FAM163A: variants seen among roughly 807,000 people sequenced by gnomAD.
The protein encoded by FAM163A is protein FAM163A.
Under a neutral mutation model 12.0 loss-of-function variants are expected in FAM163A, and 7 were observed. The observed-to-expected ratio is 0.58, with a 90% CI of 0.33 to 1.10. The LOEUF is 1.10. Among genes scored for constraint, FAM163A ranks in the 50% least tolerant of loss-of-function variants. The pLI, the probability that FAM163A is intolerant of heterozygous loss-of-function variation, is 0.03. For synonymous variants in FAM163A, 101 were observed against 91.0 expected (o/e 1.11, Z -0.62); for missense variants, 202 against 218.6 (o/e 0.92, Z 0.48).
chr1:179,740,914 T>C (rs920810105), upstream of FAM163A, among the ~76,000 whole-genome samples: 3 of 152,182 alleles, frequency 2.0e-5, no homozygotes, highest in African/African-American at 7.2e-5. Flanking sequence ...GTACTTGCAA[T>C]CTCTCTGTAT....
intron 1 of FAM163A, among the ~76,000 whole-genome samples, chr1:179,778,999 G>T (rs1366435869): frequency 6.6e-6 from 1 of 152,212 alleles, no homozygotes; most frequent in African/African-American, 2.4e-5. Flanking sequence ...TCATCTCAGA[G>T]GCTGGAGGAG....
At chr1:179,811,593 G>A (rs935569117) in intron 2 of FAM163A, among the ~76,000 whole-genome samples, 48 of 152,188 alleles carry the variant, frequency 3.2e-4, no homozygotes, top group Admixed American at 1.5e-3. Flanking sequence ...GAGCGGGAGT[G>A]GATTTGGAGC....
At chr1:179,785,516 G>A (rs1019763400) in intron 1 of FAM163A, among the ~76,000 whole-genome samples, 6 of 152,162 alleles carry the variant, frequency 3.9e-5, no homozygotes, top group Admixed American at 2.0e-4. Flanking sequence ...CCACACTCCA[G>A]CTTTGGTTTT....
At chr1:179,780,569 G>C (rs1689583425) in intron 1 of FAM163A, among the ~76,000 whole-genome samples, 1 of 152,130 alleles carries the variant, frequency 6.6e-6, no homozygotes, top group South Asian at 2.1e-4. Context: ...GCATCACCTG[G>C]GAACTTGTTA....
chr1:179,805,934 C>G (rs935367525), intron 1 of FAM163A, among the ~76,000 whole-genome samples: 1 of 152,222 alleles, frequency 6.6e-6, no homozygotes, highest in Non-Finnish European at 1.5e-5. Flanking sequence ...CAACCCCTTG[C>G]TCAGCCTCTG....
At chr1:179,799,828 C>G (rs1248074179) in intron 1 of FAM163A, among the ~76,000 whole-genome samples, 1 of 152,194 alleles carries the variant, frequency 6.6e-6, no homozygotes, top group Non-Finnish European at 1.5e-5. Context: ...TAAAATTGCC[C>G]ACACTCGTGT....
intron 1 of FAM163A, among the ~76,000 whole-genome samples, chr1:179,785,799 G>T (rs959084389): frequency 1.3e-5 from 2 of 152,080 alleles, no homozygotes; most frequent in African/African-American, 4.8e-5. Flanking sequence ...TAGCCTGTTT[G>T]CTCAGCAATA....
At position 179,810,588 on chromosome 1, in the gene FAM163A, T is replaced by A. The variant is rs181780625; in HGVS notation, c.-44-1522T>A. On this transcript the variant is annotated intron_variant, in intron 2 of 4. Coordinates refer to ENST00000341785, the MANE Select transcript of FAM163A (RefSeq NM_173509.3). ...TAAGCTTTCACTCAGCTTTTAGGATTCAGCTCAATACAACACCTGCAGTGG... is the reference window on the plus strand; with the variant it reads ...TAAGCTTTCACTCAGCTTTTAGGATACAGCTCAATACAACACCTGCAGTGG... Among the ~76,000 whole-genome samples, 28 of 152,302 alleles carry A rather than the reference T, an allele frequency of 1.8e-4. No homozygotes were observed. In the East Asian group the frequency reaches 4.2e-3, roughly 23 times the overall value.
At chr1:179,763,278 A>C (rs1687057705) in intron 1 of FAM163A, among the ~76,000 whole-genome samples, 1 of 152,208 alleles carries the variant, frequency 6.6e-6, no homozygotes, top group Non-Finnish European at 1.5e-5. Context: ...TTTCCCTTAC[A>C]AAAGGGTAAC....
the FAM163A span, among the ~76,000 whole-genome samples, chr1:179,729,820 T>A: frequency 2.6e-5 from 4 of 152,340 alleles, no homozygotes; most frequent in South Asian, 8.3e-4. Flanking sequence ...GTATTTTTTT[T>A]AAACTTCTGT....
intron 1 of FAM163A, among the ~76,000 whole-genome samples, chr1:179,750,277 A>C (rs1255780667): frequency 6.6e-6 from 1 of 152,238 alleles, no homozygotes; most frequent in Non-Finnish European, 1.5e-5. Flanking sequence ...TACCCTCATG[A>C]AGCTTGAAGT....
At chr1:179,739,645 G>A (rs1683401485), upstream of FAM163A, among the ~76,000 whole-genome samples, 1 of 152,014 alleles carries the variant, frequency 6.6e-6, no homozygotes, top group Admixed American at 6.6e-5. Context: ...CCAAAAGACT[G>A]GACACCCCTT....
In FAM163A at chr1:179,786,249, T is replaced by C. The variant is rs117598077; in HGVS notation, c.-135-21549T>C. Among the ~76,000 whole-genome samples, 31 of 152,346 alleles carry C rather than the reference T, an allele frequency of 2.0e-4. No individual in the cohort carries two copies. The East Asian group carries it at 6.0e-3, about 29-fold the overall frequency. Reference sequence around the variant, plus strand: ...GGCCCTAACCTGGAGTGGATGCTCCTTCCCACCAGCCCTGGCTAGGCTTTT... The same window carrying C: ...GGCCCTAACCTGGAGTGGATGCTCCCTCCCACCAGCCCTGGCTAGGCTTTT... On this transcript the variant is annotated intron_variant, in intron 1 of 4. Coordinates refer to ENST00000341785, the MANE Select transcript of FAM163A (RefSeq NM_173509.3).
intron 1 of FAM163A, among the ~76,000 whole-genome samples, chr1:179,799,145 G>C (rs777129076): frequency 3.3e-5 from 5 of 152,170 alleles, no homozygotes; most frequent in Non-Finnish European, 7.4e-5. Flanking sequence ...ACTGCTGAAA[G>C]AAGTGAAACA....
At chr1:179,783,730 ATAATTGAGCCCAAATAT>A (rs768334028) in intron 1 of FAM163A, among the ~76,000 whole-genome samples, 23,635 of 131,218 alleles carry the variant, frequency 0.18, 3,694 homozygotes, top group African/African-American at 0.37. Context: ...CAAATTTTAT[ATAATTGAGCCCAAATAT>A]TATATATATA....
intron 1 of FAM163A, among the ~76,000 whole-genome samples, chr1:179,758,192 A>C (rs1686299030): frequency 1.3e-5 from 2 of 152,198 alleles, no homozygotes; most frequent in African/African-American, 2.4e-5. Context: ...CACACAGAGG[A>C]GGCGGTAAAA....
Position 179,789,183 on chromosome 1 carries a change from AT to A in FAM163A, c.-135-18606del, listed in dbSNP as rs71297879. Among the ~76,000 whole-genome samples the A allele has an allele frequency of 7.9e-5, 12 of 151,768 alleles. No individual in the cohort carries two copies. In the South Asian group the frequency reaches 1.2e-3, roughly 16 times the overall value. ...CCCAGGGGAGCAGAGAGGAGACTAG[AT>A]TTTTTTTTCTTTTTTGAGATGGGGT... On this transcript the variant is annotated intron_variant, in intron 1 of 4. Transcript: ENST00000341785.
At chr1:179,730,054 G>A in the FAM163A span, among the ~76,000 whole-genome samples, 9 of 152,264 alleles carry the variant, frequency 5.9e-5, no homozygotes, top group South Asian at 2.1e-4. Context: ...TGAGGACAGC[G>A]TTTGAGATAG....
intron 1 of FAM163A, among the ~76,000 whole-genome samples, chr1:179,761,773 G>A (rs1415166629): frequency 6.6e-6 from 1 of 152,176 alleles, no homozygotes; most frequent in Non-Finnish European, 1.5e-5. Context: ...CGAGTATTGA[G>A]CAGCAAACTG....
Sources: allele counts gnomAD v4.1 joint callset (sites outside exome capture counted in the v4.1 genomes callset), GRCh38; gene constraint gnomAD v4.1.1; transcripts MANE v1.5; gene names NCBI Gene and HGNC (gene_info 2026-07-23, HGNC 2026-07-21).